ANKRD12: variants seen among roughly 807,000 people sequenced by gnomAD.
ANKRD12 encodes the protein ankyrin repeat domain 12.
ANKRD12 carries 85 observed loss-of-function variants against 183.4 expected under a neutral mutation model. The observed-to-expected ratio is 0.46, with a 90% CI of 0.39 to 0.56. The LOEUF is 0.56. Among genes scored for constraint, ANKRD12 ranks in the 20% least tolerant of loss-of-function variants. ANKRD12 has a pLI of 0.00. For missense variants in ANKRD12, 2,405 were observed against 2,357.1 expected, an observed-to-expected ratio of 1.02 and a Z score of -0.42; for synonymous variants, 914 against 800.2, an observed-to-expected ratio of 1.14 and a Z score of -2.40.
chr18:9,150,707 G>T (rs1321407154), intron 1 of ANKRD12, among the ~76,000 whole-genome samples: 3 of 152,082 alleles, frequency 2.0e-5, no homozygotes, highest in African/African-American at 7.2e-5. Context: ...AGGCTAGAGT[G>T]CAGTGGTGTG....
intron 10 of ANKRD12, among the ~76,000 whole-genome samples, chr18:9,274,249 T>G (rs1045899382): frequency 6.6e-6 from 1 of 152,230 alleles, no homozygotes; most frequent in African/African-American, 2.4e-5. Context: ...TATGCCAAAG[T>G]GGCATATTTT....
At chr18:9,198,807 A>G (rs2034998164) in intron 3 of ANKRD12, among the ~76,000 whole-genome samples, 1 of 152,038 alleles carries the variant, frequency 6.6e-6, no homozygotes, top group Non-Finnish European at 1.5e-5. Flanking sequence ...CAGCCTCCCA[A>G]AGTGCTGGGA....
At chr18:9,202,549 A>G (rs1344997913) in intron 3 of ANKRD12, among the ~76,000 whole-genome samples, 2 of 152,106 alleles carry the variant, frequency 1.3e-5, no homozygotes, top group East Asian at 3.9e-4. Context: ...TATTTTTGGT[A>G]TTTTTCTCTT....
At chr18:9,187,501 A>G (rs557051616) in intron 2 of ANKRD12, among the ~76,000 whole-genome samples, 34 of 152,356 alleles carry the variant, frequency 2.2e-4, no homozygotes, top group African/African-American at 7.2e-4. Context: ...TGAGGTCCTA[A>G]ATTAATAAAA....
chr18:9,195,760 C>A, intron 3 of ANKRD12, 62 bp downstream of exon 3: 2 of 1,481,830 alleles, frequency 1.3e-6, no homozygotes, highest in Non-Finnish European at 1.8e-6. Context: ...ATTTTTGTTT[C>A]TTGTACACCA....
chr18:9,169,984 C>A (rs1270166926), intron 1 of ANKRD12, among the ~76,000 whole-genome samples: 1 of 152,132 alleles, frequency 6.6e-6, no homozygotes, highest in African/African-American at 2.4e-5. Flanking sequence ...CTTAGTTTGG[C>A]CGGATATGAA....
chr18:9,263,937 G>C (rs774906758), intron 10 of ANKRD12, 49 bp downstream of exon 10: 1 of 1,261,982 alleles, frequency 7.9e-7, no homozygotes, highest in South Asian at 1.7e-5. Flanking sequence ...CTGGTTTCTA[G>C]CAATAAATTA....
rs566117503 is a variant in ANKRD12 at position 9,210,771 on chromosome 18, T to A, written c.452-813T>A. Reference sequence around the variant, plus strand: ...AGATGAACCTTACACTTTTTTTTTTTATTGAGGAAAGGATGGTATTGCCTT... The same window carrying A: ...AGATGAACCTTACACTTTTTTTTTTAATTGAGGAAAGGATGGTATTGCCTT... On this transcript the variant is annotated intron_variant, in intron 5 of 12. Coordinates refer to ENST00000262126, the MANE Select transcript of ANKRD12 (RefSeq NM_015208.5). Among the ~76,000 whole-genome samples the A allele has an allele frequency of 1.6e-4, 23 of 147,030 alleles. No individual in the cohort carries two copies. The East Asian group carries it at 2.8e-3, about 18-fold the overall frequency.
chr18:9,179,252 CT>C (rs1035453615), intron 1 of ANKRD12, among the ~76,000 whole-genome samples: 4 of 151,808 alleles, frequency 2.6e-5, no homozygotes, highest in Admixed American at 6.6e-5. Flanking sequence ...AGTTGTATGC[CT>C]TTTTTTTCTT....
intron 6 of ANKRD12, among the ~76,000 whole-genome samples, chr18:9,213,617 T>C (rs1462029029): frequency 2.6e-5 from 4 of 151,948 alleles, no homozygotes; most frequent in African/African-American, 9.6e-5. Context: ...CAGGTTGTTA[T>C]TCATCTAAGT....
At chr18:9,160,328 G>T (rs1156313568) in intron 1 of ANKRD12, among the ~76,000 whole-genome samples, 1 of 152,194 alleles carries the variant, frequency 6.6e-6, no homozygotes, top group African/African-American at 2.4e-5. Context: ...GCTCAGTCTG[G>T]TCTCAAACTC....
chr18:9,146,317 A>G (rs2078491783), intron 1 of ANKRD12, among the ~76,000 whole-genome samples: 1 of 152,004 alleles, frequency 6.6e-6, no homozygotes, highest in African/African-American at 2.4e-5. Context: ...AATTCCAGCT[A>G]CTCCAGGAGG....
intron 10 of ANKRD12, 109 bp from the exon 11 acceptor site, chr18:9,275,415 G>A (rs2039784572): frequency 2.2e-6 from 2 of 922,678 alleles, no homozygotes; most frequent in African/African-American, 1.7e-5. Flanking sequence ...CAAGGCTGCA[G>A]TGAGCTGTGA....
rs1487311519 is a variant in ANKRD12 at position 9,204,536 on chromosome 18, C to T, written c.296C>T (p.Thr99Ile). The T allele has an allele frequency of 6.3e-7, 1 of 1,586,784 alleles. No individual in the cohort carries two copies. Among genetic ancestry groups the T allele is most frequent in the Admixed American group, 1.8e-5 (1 of 56,986 alleles). ...WGERLISSYR[T>I]YSEKEGPEKK... is the part of the protein sequence containing the mutation. ...GAGAGACTTATATCTTCTTACAGGA[C>T]ATACTCAGGTAATTAGATTATCAGG... The change falls in exon 4 of 13, where the codon ACA (threonine) becomes ATA (isoleucine). Residue 99 changes from threonine (T) to isoleucine (I), a missense_variant. Physicochemically the swap from Thr to Ile is moderately conservative, Grantham distance 89. Transcript: ENST00000262126.
intron 1 of ANKRD12, among the ~76,000 whole-genome samples, chr18:9,150,516 G>C (rs773543267): frequency 6.6e-6 from 1 of 152,150 alleles, no homozygotes; most frequent in East Asian, 1.9e-4. Context: ...GGACTTTTAA[G>C]AACATTGTTT....
intron 1 of ANKRD12, among the ~76,000 whole-genome samples, chr18:9,169,643 T>C (rs1224240662): frequency 6.6e-6 from 1 of 152,226 alleles, no homozygotes; most frequent in Admixed American, 6.5e-5. Context: ...TACAGCACAC[T>C]GATAGGTCTT....
intron 12 of ANKRD12, among the ~76,000 whole-genome samples, chr18:9,279,885 A>G (rs765915331): frequency 1.3e-5 from 2 of 152,196 alleles, no homozygotes; most frequent in African/African-American, 2.4e-5. Context: ...CATGCTTACT[A>G]TCCAATGTAC....
rs1331766275 is a variant in ANKRD12, at chr18:9,187,921, A to G, written c.87+5402A>G. On this transcript the variant is annotated intron_variant, in intron 2 of 12. Coordinates refer to ENST00000262126, the MANE Select transcript of ANKRD12 (RefSeq NM_015208.5). ...TTCATTATTTCCTCTCCAAGTGACT[A>G]TTGAGAATTTTTTCTTTTATTATCC... Among the ~76,000 whole-genome samples, 4 of 152,318 alleles carry G rather than the reference A, an allele frequency of 2.6e-5. No individual in the cohort carries two copies. In the East Asian group the frequency reaches 7.7e-4, roughly 29 times the overall value.
At chr18:9,142,621 C>T (rs971533822) in intron 1 of ANKRD12, among the ~76,000 whole-genome samples, 1 of 152,188 alleles carries the variant, frequency 6.6e-6, no homozygotes, top group Non-Finnish European at 1.5e-5. Flanking sequence ...GTAGGTCACT[C>T]CTGTAATCTC....
Sources: allele counts gnomAD v4.1 joint callset (sites outside exome capture counted in the v4.1 genomes callset), GRCh38; gene constraint gnomAD v4.1.1; transcripts MANE v1.5; gene names NCBI Gene and HGNC (gene_info 2026-07-23, HGNC 2026-07-21).